EXOC6B: variants seen among roughly 807,000 people sequenced by gnomAD.
EXOC6B encodes the protein SEC15 homolog B.
In EXOC6B, 54 loss-of-function variants were observed where a neutral mutation model predicts 113.5. That is an observed-to-expected ratio of 0.48 (90% confidence interval 0.38 to 0.60). EXOC6B has a LOEUF of 0.60. Ranked by LOEUF, EXOC6B falls within the 20% of genes least tolerant of loss-of-function variation. The pLI is 0.00. For missense variants in EXOC6B, 797 were observed against 977.5 expected, an observed-to-expected ratio of 0.82 and a Z score of 2.46; for synonymous variants, 357 against 339.0, an observed-to-expected ratio of 1.05 and a Z score of -0.58.
At chr2:72,354,922 T>G (rs1035492806) in intron 19 of EXOC6B, among the ~76,000 whole-genome samples, 1 of 152,228 alleles carries the variant, frequency 6.6e-6, no homozygotes, top group Non-Finnish European at 1.5e-5. Context: ...CACACCATTT[T>G]AGATCTAAGG....
At chr2:72,200,276 C>A (rs1177446752) in intron 20 of EXOC6B, among the ~76,000 whole-genome samples, 1 of 152,206 alleles carries the variant, frequency 6.6e-6, no homozygotes. Flanking sequence ...AGCCTTGCAA[C>A]TCAGGATTCC....
chr2:72,250,219 C>A (rs1682926128), intron 20 of EXOC6B, among the ~76,000 whole-genome samples: 1 of 152,166 alleles, frequency 6.6e-6, no homozygotes, highest in Admixed American at 6.5e-5. Flanking sequence ...CTTGTATAAG[C>A]ACGGTACCGA....
intron 17 of EXOC6B, among the ~76,000 whole-genome samples, chr2:72,468,706 A>C (rs1698213648): frequency 6.6e-6 from 1 of 152,172 alleles, no homozygotes; most frequent in Non-Finnish European, 1.5e-5. Context: ...TAGGGATTCC[A>C]TTGAATATGT....
At chr2:72,528,246 T>C (rs948953111) in intron 8 of EXOC6B, among the ~76,000 whole-genome samples, 2 of 152,118 alleles carry the variant, frequency 1.3e-5, no homozygotes. Context: ...CTGCATAAAA[T>C]GGGAGGTTAG....
At chr2:72,203,908 T>C (rs757288193) in intron 20 of EXOC6B, among the ~76,000 whole-genome samples, 23 of 152,186 alleles carry the variant, frequency 1.5e-4, no homozygotes, top group African/African-American at 5.5e-4. Context: ...GCCTTCAAGG[T>C]ATTATACACT....
chr2:72,472,716 CT>C (rs1698485670), intron 17 of EXOC6B, among the ~76,000 whole-genome samples: 1 of 151,940 alleles, frequency 6.6e-6, no homozygotes, highest in African/African-American at 2.4e-5. Context: ...TTATTTCCTT[CT>C]GATATTGTGG....
chr2:72,401,644 T>C lies in EXOC6B; in HGVS notation c.1981-21774A>G, dbSNP rs1426932905. ...ATACATATATATATATATACATATA[T>C]ACATATATATATATATATATATGTA... On this transcript the variant is annotated intron_variant, in intron 18 of 21. Coordinates refer to ENST00000272427, the MANE Select transcript of EXOC6B (RefSeq NM_015189.3). Among the ~76,000 whole-genome samples, 5 of 44,662 alleles carry C rather than the reference T, an allele frequency of 1.1e-4. 1 individual carries two copies. The highest frequency in any genetic ancestry group is 7.3e-4 in the East Asian group (2 of 2,722). The allele number at this position is 44,662 out of a possible 152,430, so 29.3% of individuals were successfully genotyped here.
intron 1 of EXOC6B, among the ~76,000 whole-genome samples, chr2:72,803,131 T>A (rs1685388232): frequency 1.3e-5 from 2 of 152,046 alleles, no homozygotes; most frequent in Non-Finnish European, 2.9e-5. Context: ...CCAAGCATAT[T>A]CAAAATATCA....
chr2:72,186,978 T>A (rs6748698), intron 20 of EXOC6B, among the ~76,000 whole-genome samples: 14,901 of 152,194 alleles, frequency 0.098, 1,208 homozygotes, highest in African/African-American at 0.23. Context: ...AGCTCATGCC[T>A]GCCAGGGACA....
At chr2:72,374,963 AAGAT>A (rs1394747316) in intron 19 of EXOC6B, among the ~76,000 whole-genome samples, 3 of 151,960 alleles carry the variant, frequency 2.0e-5, no homozygotes, top group African/African-American at 4.8e-5. Context: ...TTAAAAGAGA[AAGAT>A]AGAAAAGAAT....
intron 1 of EXOC6B, among the ~76,000 whole-genome samples, chr2:72,776,021 T>C (rs1683680972): frequency 6.6e-6 from 1 of 152,170 alleles, no homozygotes; most frequent in Non-Finnish European, 1.5e-5. Flanking sequence ...AAAGGGTACA[T>C]GGAGTCTCTC....
At chr2:72,194,357 A>G (rs1483416018) in intron 20 of EXOC6B, among the ~76,000 whole-genome samples, 1 of 152,102 alleles carries the variant, frequency 6.6e-6, no homozygotes, top group Admixed American at 6.5e-5. Context: ...AAGAGAGGAG[A>G]TTAACTAACA....
At chr2:72,734,418 T>C (rs560979688) in intron 2 of EXOC6B, among the ~76,000 whole-genome samples, 1 of 152,278 alleles carries the variant, frequency 6.6e-6, no homozygotes, top group South Asian at 2.1e-4. Context: ...CCGTCCAAAA[T>C]GCACATCTAA....
chr2:72,376,712 C>T (rs912949660), intron 19 of EXOC6B, among the ~76,000 whole-genome samples: 7 of 152,104 alleles, frequency 4.6e-5, no homozygotes, highest in South Asian at 2.1e-4. Context: ...CAATTTCCAA[C>T]GTATGTGTCA....
At chr2:72,599,646 A>G (rs1670285993) in intron 6 of EXOC6B, among the ~76,000 whole-genome samples, 1 of 152,138 alleles carries the variant, frequency 6.6e-6, no homozygotes, top group Non-Finnish European at 1.5e-5. Flanking sequence ...GAAAATTCCA[A>G]TGAATCACAA....
At chr2:72,680,554 C>A (rs1014726673) in intron 6 of EXOC6B, among the ~76,000 whole-genome samples, 1 of 152,096 alleles carries the variant, frequency 6.6e-6, no homozygotes, top group Non-Finnish European at 1.5e-5. Flanking sequence ...GCCTAGCCAA[C>A]ATGGTGAAAC....
At position 72,198,119 on chromosome 2, in the gene EXOC6B, C is replaced by T. The variant is rs945209932; in HGVS notation, c.2197-13932G>A. The stretch of plus-strand genomic sequence containing the variant: ...AACTTTTGCCCACCAGCTGAGCTGA[C>T]ATATATGTCCCACAAAGAGGACATA... On this transcript the variant is annotated intron_variant, in intron 20 of 21. Transcript: ENST00000272427. Among the ~76,000 whole-genome samples the T allele has an allele frequency of 3.3e-5, 5 of 152,212 alleles. No individual in the cohort carries two copies. In the Middle Eastern group the frequency reaches 0.01, roughly 311 times the overall value.
At chr2:72,313,784 A>C (rs1687346896) in intron 20 of EXOC6B, among the ~76,000 whole-genome samples, 2 of 152,212 alleles carry the variant, frequency 1.3e-5, no homozygotes, top group African/African-American at 4.8e-5. Context: ...AATTTTTAAA[A>C]AAATCACATT....
At chr2:72,807,863 G>T (rs185762700) in intron 1 of EXOC6B, among the ~76,000 whole-genome samples, 2 of 151,652 alleles carry the variant, frequency 1.3e-5, no homozygotes, top group Non-Finnish European at 2.9e-5. Flanking sequence ...AAAATCAAAA[G>T]AATAAATAAG....
Sources: gnomAD v4.1 joint callset for allele counts (sites outside exome capture counted in the v4.1 genomes callset) on GRCh38, gnomAD v4.1.1 for gene constraint, MANE v1.5 for transcripts, NCBI Gene and HGNC (gene_info 2026-07-23, HGNC 2026-07-21) for gene names.